Variants in LIMCH1 observed in about 807,000 individuals in gnomAD.
LIMCH1 encodes the protein LIM and calponin homology domains-containing protein 1.
A neutral mutation model predicts 176.5 loss-of-function variants in LIMCH1; 113 were observed. The observed-to-expected ratio is 0.64, with a 90% CI of 0.55 to 0.75. The LOEUF (loss-of-function observed/expected upper bound fraction) is 0.75. Ranked by LOEUF, LIMCH1 falls within the 30% of genes least tolerant of loss-of-function variation. The pLI is 0.00. For synonymous variants in LIMCH1, 619 were observed against 645.9 expected (o/e 0.96, Z 0.63); for missense variants, 1,674 against 1,814.9 (o/e 0.92, Z 1.41).
intron 1 of LIMCH1, among the ~76,000 whole-genome samples, chr4:41,363,488 A>G (rs1361389103): frequency 6.6e-6 from 1 of 152,086 alleles, no homozygotes; most frequent in Non-Finnish European, 1.5e-5. Flanking sequence ...CCTTGGGTGG[A>G]GCAAGTTAAT....
In LIMCH1 at chr4:41,562,232, C is replaced by A. The variant is rs2082163138; in HGVS notation, c.-241+23882C>A. On this transcript the variant is annotated intron_variant, in intron 1 of 31. Coordinates refer to ENST00000503057, the MANE Select transcript of LIMCH1 (RefSeq NM_001330672.2). ...TTTCCAGTTACAACTTTCTGTCATC[C>A]TTTTTGCTTCCTTTTAAAAATTTTA... is the stretch of plus-strand genomic sequence containing the variant. Among the ~76,000 whole-genome samples, 2 of 152,168 alleles carry A rather than the reference C, an allele frequency of 1.3e-5. 1 individual carries two copies. The highest frequency in any genetic ancestry group is 4.1e-4 in the South Asian group (2 of 4,826).
At chr4:41,381,426 T>G (rs2055649245) in intron 1 of LIMCH1, among the ~76,000 whole-genome samples, 1 of 152,202 alleles carries the variant, frequency 6.6e-6, no homozygotes, top group Non-Finnish European at 1.5e-5. Flanking sequence ...AGGGAACCAC[T>G]TTTATAATTC....
intron 23 of LIMCH1, among the ~76,000 whole-genome samples, chr4:41,679,303 A>G (rs1713688980): frequency 6.6e-6 from 1 of 152,132 alleles, no homozygotes; most frequent in African/African-American, 2.4e-5. Flanking sequence ...ATTTCTTCTA[A>G]TCAGCCATCA....
intron 21 of LIMCH1, among the ~76,000 whole-genome samples, chr4:41,669,498 A>G (rs2094942299): frequency 1.3e-5 from 2 of 152,144 alleles, no homozygotes. Flanking sequence ...CCACTCTCAC[A>G]GTGTCTCATT....
At chr4:41,569,101 CA>C (rs376192753) in intron 1 of LIMCH1, among the ~76,000 whole-genome samples, 122 of 152,270 alleles carry the variant, frequency 8.0e-4, no homozygotes, top group African/African-American at 2.6e-3. Flanking sequence ...ACACCCGAAC[CA>C]GCATAGATAT....
intron 2 of LIMCH1, among the ~76,000 whole-genome samples, chr4:41,505,925 GACACACACACACAC>G (rs36212568): frequency 0.013 from 1,802 of 134,654 alleles, 31 homozygotes; most frequent in Non-Finnish European, 0.018. Context: ...CTGTGTTTCT[GACACACACACACAC>G]ACACACACAC....
chr4:41,620,176 C>T (rs1176565999), intron 6 of LIMCH1: 3 of 440,646 alleles, frequency 6.8e-6, no homozygotes, highest in South Asian at 4.1e-5. Context: ...ATGAAATTTA[C>T]CTTTCCAGCA....
At chr4:41,387,735 G>T (rs781738818) in intron 1 of LIMCH1, among the ~76,000 whole-genome samples, 3 of 152,210 alleles carry the variant, frequency 2.0e-5, no homozygotes, top group Non-Finnish European at 4.4e-5. Flanking sequence ...CCAAGGAAGG[G>T]CAGGTTATTA....
At chr4:41,475,406 G>C (rs530697703) in intron 1 of LIMCH1, among the ~76,000 whole-genome samples, 1 of 152,288 alleles carries the variant, frequency 6.6e-6, no homozygotes, top group East Asian at 1.9e-4. Flanking sequence ...TTTGCAGTAG[G>C]GGTCTGGAGC....
chr4:41,417,628 C>T (rs1471230633), intron 1 of LIMCH1, among the ~76,000 whole-genome samples: 1 of 152,042 alleles, frequency 6.6e-6, no homozygotes, highest in Non-Finnish European at 1.5e-5. Flanking sequence ...TCAAGTGATC[C>T]TCCCACCTCA....
At chr4:41,536,999 T>C (rs199956838), upstream of LIMCH1, among the ~76,000 whole-genome samples, 32 of 152,346 alleles carry the variant, frequency 2.1e-4, no homozygotes, top group East Asian at 5.6e-3. Context: ...ATATTATCTT[T>C]GTAGCTTTCT....
intron 15 of LIMCH1, 138 bp downstream of exon 15, chr4:41,644,764 G>A: frequency 9.4e-7 from 1 of 1,067,180 alleles, no homozygotes; most frequent in Non-Finnish European, 1.3e-6. Flanking sequence ...CACGGTAAAT[G>A]TGGGACTCAA....
chr4:41,593,305 A>G (rs1358061461), intron 1 of LIMCH1, among the ~76,000 whole-genome samples: 2 of 152,246 alleles, frequency 1.3e-5, no homozygotes, highest in Non-Finnish European at 2.9e-5. Flanking sequence ...TCATGTATTA[A>G]TATTTGTCTA....
intron 25 of LIMCH1, 113 bp downstream of exon 25, chr4:41,681,172 A>C (rs1174561508): frequency 1.3e-5 from 8 of 601,082 alleles, no homozygotes; most frequent in Non-Finnish European, 2.1e-5. Context: ...AAGACTAGCT[A>C]TTCCCCTAGA....
intron 1 of LIMCH1, among the ~76,000 whole-genome samples, chr4:41,571,687 C>T (rs1254919170): frequency 6.6e-6 from 1 of 152,034 alleles, no homozygotes; most frequent in African/African-American, 2.4e-5. Context: ...TGAGCAAGAG[C>T]CTGATGGATA....
chr4:41,470,393 G>A (rs1247580577), intron 1 of LIMCH1, among the ~76,000 whole-genome samples: 1 of 152,158 alleles, frequency 6.6e-6, no homozygotes, highest in East Asian at 1.9e-4. Context: ...CCCATTCAGA[G>A]ATTTGCTCTT....
chr4:41,559,159 A>C (rs1288030491), intron 1 of LIMCH1, among the ~76,000 whole-genome samples: 1 of 152,162 alleles, frequency 6.6e-6, no homozygotes, highest in Non-Finnish European at 1.5e-5. Context: ...TACTCTAAGA[A>C]TTGTAGATTT....
At chr4:41,379,969 T>G (rs1351282267) in intron 1 of LIMCH1, among the ~76,000 whole-genome samples, 1 of 152,096 alleles carries the variant, frequency 6.6e-6, no homozygotes, top group African/African-American at 2.4e-5. Flanking sequence ...TGGCTAATTT[T>G]GTATTTTTAG....
At chr4:41,444,860 T>G (rs959465177) in intron 1 of LIMCH1, among the ~76,000 whole-genome samples, 1 of 152,170 alleles carries the variant, frequency 6.6e-6, no homozygotes, top group Non-Finnish European at 1.5e-5. Flanking sequence ...AATCTGACCA[T>G]CCACTGTCTG....
Sources: gnomAD v4.1 joint callset for allele counts (sites outside exome capture counted in the v4.1 genomes callset) on GRCh38, gnomAD v4.1.1 for gene constraint, MANE v1.5 for transcripts, NCBI Gene and HGNC (gene_info 2026-07-23, HGNC 2026-07-21) for gene names.